ADCY5: variants seen among roughly 807,000 people sequenced by gnomAD.
ADCY5 encodes the protein adenylate cyclase type 5.
A neutral mutation model predicts 119.7 loss-of-function variants in ADCY5; 30 were observed. That is an observed-to-expected ratio of 0.25 (90% confidence interval 0.19 to 0.34). The LOEUF is 0.34. Among genes scored for constraint, ADCY5 ranks in the 10% least tolerant of loss-of-function variants. The pLI, the probability that ADCY5 is intolerant of heterozygous loss-of-function variation, is 1.00. For synonymous variants in ADCY5, 753 were observed against 762.2 expected (o/e 0.99, Z 0.20); for missense variants, 1,324 against 1,775.2 (o/e 0.75, Z 4.57).
chr3:123,390,307 T>C (rs188418745), intron 1 of ADCY5, among the ~76,000 whole-genome samples: 27 of 152,302 alleles, frequency 1.8e-4, no homozygotes, highest in East Asian at 1.5e-3. Flanking sequence ...ATAATCCCCT[T>C]GATTGCCCAG....
intron 2 of ADCY5, among the ~76,000 whole-genome samples, chr3:123,350,640 T>A (rs1156646560): frequency 6.6e-6 from 1 of 152,202 alleles, no homozygotes; most frequent in Non-Finnish European, 1.5e-5. Flanking sequence ...AGCAGCTCTT[T>A]CTGCACGCCT....
intron 1 of ADCY5, among the ~76,000 whole-genome samples, chr3:123,393,569 A>T (rs1481092784): frequency 6.7e-6 from 1 of 148,720 alleles, no homozygotes; most frequent in East Asian, 2.0e-4. Flanking sequence ...AAAAATTAAA[A>T]TAAAATAAAA....
At chr3:123,295,015 G>A (rs1189891747) in intron 17 of ADCY5, among the ~76,000 whole-genome samples, 1 of 152,146 alleles carries the variant, frequency 6.6e-6, no homozygotes, top group Non-Finnish European at 1.5e-5. Flanking sequence ...GCTTCACAAG[G>A]GGCATTCTGC....
At chr3:123,305,513 C>T (rs899404290) in intron 12 of ADCY5, among the ~76,000 whole-genome samples, 27 of 152,202 alleles carry the variant, frequency 1.8e-4, no homozygotes, top group African/African-American at 6.0e-4. Context: ...GTACAGCATC[C>T]ATGAGGGCCC....
At chr3:123,409,044 A>G (rs536455283) in intron 1 of ADCY5, among the ~76,000 whole-genome samples, 2 of 152,352 alleles carry the variant, frequency 1.3e-5, no homozygotes, top group African/African-American at 4.8e-5. Flanking sequence ...ATCTCTGTAG[A>G]TAAAGTATAG....
chr3:123,402,136 C>G (rs1246302417), intron 1 of ADCY5, among the ~76,000 whole-genome samples: 1 of 152,196 alleles, frequency 6.6e-6, no homozygotes, highest in Non-Finnish European at 1.5e-5. Flanking sequence ...GCCCTCGTCT[C>G]TCTATGAGCT....
chr3:123,422,151 G>A (rs2107637973), intron 1 of ADCY5, among the ~76,000 whole-genome samples: 1 of 152,334 alleles, frequency 6.6e-6, no homozygotes, highest in South Asian at 2.1e-4. Flanking sequence ...GGCACTTGAA[G>A]GGTTCTGCTC....
At chr3:123,313,705 T>A (rs1940718288) in intron 12 of ADCY5, among the ~76,000 whole-genome samples, 1 of 152,144 alleles carries the variant, frequency 6.6e-6, no homozygotes, top group African/African-American at 2.4e-5. Context: ...AGAGCCACAT[T>A]TCTGCTGCCA....
chr3:123,398,223 A>T (rs974065481), intron 1 of ADCY5, among the ~76,000 whole-genome samples: 2 of 152,006 alleles, frequency 1.3e-5, no homozygotes, highest in African/African-American at 4.8e-5. Flanking sequence ...GTGATTTCTA[A>T]CAAAGTTCCC....
chr3:123,421,355 C>T (rs1216383446), intron 1 of ADCY5, among the ~76,000 whole-genome samples: 3 of 152,160 alleles, frequency 2.0e-5, no homozygotes, highest in Non-Finnish European at 4.4e-5. Context: ...GTAACTGCCT[C>T]AAGGTTGTAC....
intron 1 of ADCY5, among the ~76,000 whole-genome samples, chr3:123,374,868 G>T (rs1943762033): frequency 6.6e-6 from 1 of 152,196 alleles, no homozygotes; most frequent in Admixed American, 6.5e-5. Context: ...TGTTTATGGA[G>T]ACCTTGACAG....
chr3:123,448,582 C>A lies in ADCY5; in HGVS notation c.-37G>T. The A allele has an allele frequency of 7.9e-7, 1 of 1,262,566 alleles. No homozygotes were observed. Among genetic ancestry groups the A allele is most frequent in the South Asian group, 3.0e-5 (1 of 32,956 alleles). The allele number at this position is 1,262,566 out of a possible 1,614,324, so 78.2% of individuals were successfully genotyped here. A position where few individuals can be genotyped will look rare whatever the true frequency, so the allele number is the denominator to read the frequency against. ...CCTCGTCGTCTCCTTCCTCCTCCCCCGGAAGCCGGGCCGGGGGTCTCCAAG... is the reference window on the plus strand; with the variant it reads ...CCTCGTCGTCTCCTTCCTCCTCCCCAGGAAGCCGGGCCGGGGGTCTCCAAG... On this transcript the variant is annotated 5_prime_UTR_variant, in exon 1 of 21. Coordinates refer to ENST00000462833, the MANE Select transcript of ADCY5 (RefSeq NM_183357.3).
chr3:123,327,849 G>C, intron 6 of ADCY5, 90 bp from the exon 7 acceptor site: 1 of 1,463,214 alleles, frequency 6.8e-7, no homozygotes, highest in Non-Finnish European at 9.4e-7. Context: ...CAATTAGTGG[G>C]TTCACCACAA....
At chr3:123,382,745 A>G (rs11923120) in intron 1 of ADCY5, among the ~76,000 whole-genome samples, 71,884 of 151,902 alleles carry the variant, frequency 0.47, 17,766 homozygotes, top group East Asian at 0.68. Flanking sequence ...AGATGACCAA[A>G]GGCTGGGGGG....
intron 1 of ADCY5, among the ~76,000 whole-genome samples, chr3:123,390,391 C>G (rs888982865): frequency 6.6e-6 from 1 of 152,172 alleles, no homozygotes; most frequent in Admixed American, 6.5e-5. Flanking sequence ...CTCCTGTGCC[C>G]TCTGGTGGAA....
At chr3:123,328,932 A>G in intron 5 of ADCY5, 130 bp from the exon 6 acceptor site, 2 of 1,008,022 alleles carry the variant, frequency 2.0e-6, no homozygotes, top group South Asian at 1.6e-5. Context: ...ATCCAGCCCT[A>G]GAGTCCAAGA....
intron 8 of ADCY5, among the ~76,000 whole-genome samples, chr3:123,323,953 T>C (rs1459620992): frequency 1.3e-5 from 2 of 151,656 alleles, no homozygotes; most frequent in East Asian, 3.9e-4. Context: ...GGGGTGGCAA[T>C]GGGGAGGGTG....
At chr3:123,353,998 T>C (rs1208252876) in intron 1 of ADCY5, among the ~76,000 whole-genome samples, 1 of 152,114 alleles carries the variant, frequency 6.6e-6, no homozygotes, top group East Asian at 1.9e-4. Context: ...TGGATGTGCC[T>C]TCCAGGAAGG....
chr3:123,380,035 C>T (rs996253938), intron 1 of ADCY5, among the ~76,000 whole-genome samples: 4 of 152,158 alleles, frequency 2.6e-5, no homozygotes, highest in Non-Finnish European at 5.9e-5. Context: ...ATCTCTAGGT[C>T]TGATTTTCCT....
Sources: gnomAD v4.1 joint callset for allele counts (sites outside exome capture counted in the v4.1 genomes callset) on GRCh38, gnomAD v4.1.1 for gene constraint, MANE v1.5 for transcripts, NCBI Gene and HGNC (gene_info 2026-07-23, HGNC 2026-07-21) for gene names.